The following DRC11 variants were observed in gnomAD, a reference collection of about 807,000 sequenced individuals.
DRC11 encodes the protein dynein regulatory complex subunit 11.
chr2:236,387,747 C>T, the DRC11 span, among the ~76,000 whole-genome samples: 1 of 151,790 alleles, frequency 6.6e-6, no homozygotes, highest in African/African-American at 2.4e-5. Flanking sequence ...GATGCAGTTT[C>T]TTCCTAGTCT....
chr2:236,348,420 C>T, the DRC11 span, among the ~76,000 whole-genome samples: 1 of 152,164 alleles, frequency 6.6e-6, no homozygotes, highest in Admixed American at 6.5e-5. This position sits in a 1 kb window ranked among gnomAD's most constrained non-coding sequence, Gnocchi z 7.4. Context: ...GGGTCCGGTC[C>T]GAACAGGGTC....
the DRC11 span, among the ~76,000 whole-genome samples, chr2:236,356,955 CAT>C: frequency 5.2e-5 from 6 of 114,614 alleles, 1 homozygote; most frequent in East Asian, 4.6e-4. Flanking sequence ...ATTCATATAT[CAT>C]AAATATATAT....
chr2:236,354,350 T>G, the DRC11 span, among the ~76,000 whole-genome samples: 13 of 152,038 alleles, frequency 8.6e-5, no homozygotes, highest in South Asian at 2.1e-4. Context: ...CATGTGTGTG[T>G]GTGGGGGGCA....
chr2:236,469,310 A>G, the DRC11 span, among the ~76,000 whole-genome samples: 1 of 152,172 alleles, frequency 6.6e-6, no homozygotes, highest in African/African-American at 2.4e-5. This position sits in a 1 kb window ranked among gnomAD's most constrained non-coding sequence, Gnocchi z 5.8. Context: ...AGTTCAAGTG[A>G]TTCTCCTGCC....
the DRC11 span, among the ~76,000 whole-genome samples, chr2:236,349,511 A>G: frequency 6.6e-6 from 1 of 152,234 alleles, no homozygotes; most frequent in African/African-American, 2.4e-5. The surrounding 1 kb of genome is among the most constrained non-coding windows in gnomAD (Gnocchi z 5.5). Context: ...AATGTGGTAC[A>G]TATACACCAT....
the DRC11 span, among the ~76,000 whole-genome samples, chr2:236,505,193 G>A: frequency 6.6e-6 from 1 of 152,212 alleles, no homozygotes; most frequent in South Asian, 2.1e-4. Flanking sequence ...GAATATGACA[G>A]TTAAAAAGAC....
the DRC11 span, among the ~76,000 whole-genome samples, chr2:236,311,002 G>A: frequency 6.6e-6 from 1 of 152,326 alleles, no homozygotes; most frequent in South Asian, 2.1e-4. This position sits in a 1 kb window ranked among gnomAD's most constrained non-coding sequence, Gnocchi z 6.9. Flanking sequence ...TTTCAAGAGG[G>A]AGCTATCATG....
At chr2:236,378,991 G>A in the DRC11 span, among the ~76,000 whole-genome samples, 1 of 152,168 alleles carries the variant, frequency 6.6e-6, no homozygotes. Flanking sequence ...CATTTCTCTA[G>A]AGAGCAGAAA....
the DRC11 span, among the ~76,000 whole-genome samples, chr2:236,373,760 A>G: frequency 2.0e-5 from 3 of 152,292 alleles, no homozygotes; most frequent in South Asian, 6.2e-4. Flanking sequence ...TAGCTTTTCC[A>G]GTTTCACAGA....
chr2:236,310,845 C>T, the DRC11 span, among the ~76,000 whole-genome samples: 2 of 152,176 alleles, frequency 1.3e-5, no homozygotes, highest in Admixed American at 6.5e-5. The surrounding 1 kb of genome is among the most constrained non-coding windows in gnomAD (Gnocchi z 5.5). Context: ...ATTAAGCTTC[C>T]CTTAGAGAAT....
At chr2:236,422,023 C>T in the DRC11 span, among the ~76,000 whole-genome samples, 26,126 of 152,118 alleles carry the variant, frequency 0.17, 2,475 homozygotes, top group Non-Finnish European at 0.21. Flanking sequence ...ATGCTAAAAA[C>T]TCTCAATAAA....
the DRC11 span, among the ~76,000 whole-genome samples, chr2:236,321,876 C>T: frequency 1.3e-5 from 2 of 152,156 alleles, no homozygotes; most frequent in African/African-American, 2.4e-5. Flanking sequence ...TGGGTAACCA[C>T]CAACTTCACA....
At chr2:236,317,489 A>T in the DRC11 span, among the ~76,000 whole-genome samples, 4 of 152,188 alleles carry the variant, frequency 2.6e-5, no homozygotes, top group Non-Finnish European at 4.4e-5. This position sits in a 1 kb window ranked among gnomAD's most constrained non-coding sequence, Gnocchi z 5.4. Flanking sequence ...ACTTCCATGT[A>T]CATAAAGTTC....
the DRC11 span, among the ~76,000 whole-genome samples, chr2:236,404,343 C>T: frequency 6.6e-6 from 1 of 152,106 alleles, no homozygotes; most frequent in Non-Finnish European, 1.5e-5. Context: ...GACTGAAGGC[C>T]ATAGATTCAT....
chr2:236,429,363 T>G, the DRC11 span, among the ~76,000 whole-genome samples: 1 of 152,218 alleles, frequency 6.6e-6, no homozygotes, highest in Non-Finnish European at 1.5e-5. This position sits in a 1 kb window ranked among gnomAD's most constrained non-coding sequence, Gnocchi z 5.9. Context: ...ACCATCTGCA[T>G]GCATGGGCAT....
chr2:236,322,287 T>C, the DRC11 span, among the ~76,000 whole-genome samples: 1 of 146,930 alleles, frequency 6.8e-6, no homozygotes, highest in Non-Finnish European at 1.5e-5. Context: ...CAGGCTGTAG[T>C]GCAGTGGTGC....
chr2:236,501,598 G>A, the DRC11 span, among the ~76,000 whole-genome samples: 1 of 152,136 alleles, frequency 6.6e-6, no homozygotes, highest in Non-Finnish European at 1.5e-5. Context: ...CAAGAACAGA[G>A]GATCAGCATG....
At chr2:236,414,676 T>A in the DRC11 span, among the ~76,000 whole-genome samples, 1 of 152,156 alleles carries the variant, frequency 6.6e-6, no homozygotes, top group East Asian at 1.9e-4. Flanking sequence ...AAGACGAACA[T>A]CCCAGAATGT....
chr2:236,430,524 C>T, the DRC11 span, among the ~76,000 whole-genome samples: 5 of 152,276 alleles, frequency 3.3e-5, no homozygotes, highest in Non-Finnish European at 7.4e-5. This position sits in a 1 kb window ranked among gnomAD's most constrained non-coding sequence, Gnocchi z 6.0. Flanking sequence ...CAGAACTTCA[C>T]GGTTCATTTT....
Sources: gnomAD v4.1 joint callset for allele counts (sites outside exome capture counted in the v4.1 genomes callset) on GRCh38, gnomAD v4.1.1 for gene constraint, Gnocchi (gnomAD v3.1) non-coding constraint, MANE v1.5 for transcripts, NCBI Gene and HGNC (gene_info 2026-07-23, HGNC 2026-07-21) for gene names.